Variants in TMTC2 observed in about 807,000 individuals in gnomAD.
The protein encoded by TMTC2 is transmembrane O-mannosyltransferase targeting cadherins 2.
TMTC2 carries 43 observed loss-of-function variants against 82.4 expected under a neutral mutation model. The ratio of observed to expected loss-of-function variants is 0.52; its 90% CI spans 0.41 to 0.67. The LOEUF (loss-of-function observed/expected upper bound fraction) is 0.67. Ranked by LOEUF, TMTC2 falls within the 30% of genes least tolerant of loss-of-function variation. TMTC2 has a pLI of 0.00. For missense variants in TMTC2, 919 were observed against 1,012.4 expected (o/e 0.91, Z 1.25); for synonymous variants, 408 against 381.9 (o/e 1.07, Z -0.80).
intron 8 of TMTC2, among the ~76,000 whole-genome samples, chr12:83,019,546 CA>C (rs1880822465): frequency 6.6e-6 from 1 of 152,128 alleles, no homozygotes; most frequent in Non-Finnish European, 1.5e-5. Flanking sequence ...TCAGCTATCT[CA>C]AAAGTAGGCC....
intron 7 of TMTC2, among the ~76,000 whole-genome samples, chr12:82,971,438 C>CTT (rs1878442556): frequency 6.6e-6 from 1 of 151,934 alleles, no homozygotes; most frequent in African/African-American, 2.4e-5. Context: ...TCTGAACACT[C>CTT]TGAGTTTCTC....
At chr12:83,131,509 A>T (rs912407845) in intron 11 of TMTC2, among the ~76,000 whole-genome samples, 9 of 152,160 alleles carry the variant, frequency 5.9e-5, no homozygotes, top group African/African-American at 2.2e-4. Context: ...AGTAATATAA[A>T]ATTTTTCTTA....
rs183358906 is a variant in TMTC2 at position 82,836,022 on chromosome 12, A to G, written c.84-20988A>G. Among the ~76,000 whole-genome samples the G allele has an allele frequency of 4.6e-5, 7 of 152,360 alleles. No homozygotes were observed. The East Asian group carries it at 1.3e-3, about 29-fold the overall frequency. ...TAAAATACAGTGTCTGTGGGGCTCT[A>G]ACACCATGTTTCATGTTTTCCTTTG... On this transcript the variant is annotated intron_variant, in intron 1 of 11. Coordinates refer to ENST00000321196, the MANE Select transcript of TMTC2 (RefSeq NM_152588.3).
In TMTC2 at chr12:83,086,653, G is replaced by C. The variant is rs1055447432; in HGVS notation, c.2331+24822G>C. Reference sequence around the variant, plus strand: ...CACAACAGAGTCACACAAGTGTTTTGATTTCCTGGTGTTTTGATTTTATGT... The same window carrying C: ...CACAACAGAGTCACACAAGTGTTTTCATTTCCTGGTGTTTTGATTTTATGT... On this transcript the variant is annotated intron_variant, in intron 11 of 11. Transcript: ENST00000321196. 2.0e-5 allele frequency among the ~76,000 whole-genome samples: 3 copies of C among 152,138 alleles called. No homozygotes were observed. The East Asian group carries it at 5.8e-4, about 29-fold the overall frequency.
chr12:82,906,960 AGT>A (rs1231482774), intron 3 of TMTC2, among the ~76,000 whole-genome samples: 1 of 152,202 alleles, frequency 6.6e-6, no homozygotes, highest in Non-Finnish European at 1.5e-5. Context: ...TTCTCTATTG[AGT>A]AGAAAAAAAT....
chr12:82,716,438 A>G (rs1873903106), intron 1 of TMTC2, among the ~76,000 whole-genome samples: 1 of 143,504 alleles, frequency 7.0e-6, no homozygotes, highest in Non-Finnish European at 1.5e-5. Flanking sequence ...ATCTCGACTC[A>G]CTGCAAGCTC....
At position 82,937,750 on chromosome 12, in the gene TMTC2, GTATATATATATATATATATATA is replaced by G. The variant is rs1162321741; in HGVS notation, c.1598+7230_1598+7251del. ...TGTGGATGTGTGTGTGTGTGTGTGTGTATATATATATATATATATATATATATATATATATATATATATATAC... is the reference window on the plus strand; with the variant it reads ...TGTGGATGTGTGTGTGTGTGTGTGTGTATATATATATATATATATATATAC... On this transcript the variant is annotated intron_variant, in intron 4 of 11. Coordinates refer to ENST00000321196, the MANE Select transcript of TMTC2 (RefSeq NM_152588.3). Among the ~76,000 whole-genome samples, 123 of 106,040 alleles carry G rather than the reference GTATATATATATATATATATATA, an allele frequency of 1.2e-3. 3 individuals carry two copies. Among genetic ancestry groups the G allele is most frequent in the Middle Eastern group, 9.3e-3 (2 of 216 alleles). 69.6% of individuals were successfully genotyped at this position (106,040 alleles called of 152,430 possible). A position where few individuals can be genotyped will look rare whatever the true frequency, so the allele number is the denominator to read the frequency against.
chr12:83,007,534 G>A (rs151289401), intron 8 of TMTC2, among the ~76,000 whole-genome samples: 72 of 152,004 alleles, frequency 4.7e-4, no homozygotes, highest in African/African-American at 1.4e-3. Flanking sequence ...CTTGATGTGC[G>A]TACAATTACC....
chr12:82,824,633 T>G (rs1365838721), intron 1 of TMTC2, among the ~76,000 whole-genome samples: 2 of 152,192 alleles, frequency 1.3e-5, no homozygotes, highest in Non-Finnish European at 1.5e-5. Flanking sequence ...TTAGTAAAAT[T>G]AAATGGCCTG....
At chr12:83,101,219 C>G (rs1884204682) in intron 11 of TMTC2, among the ~76,000 whole-genome samples, 1 of 152,162 alleles carries the variant, frequency 6.6e-6, no homozygotes, top group Non-Finnish European at 1.5e-5. Flanking sequence ...AATATCTAAG[C>G]ATTGCAATTT....
intron 1 of TMTC2, among the ~76,000 whole-genome samples, chr12:82,826,715 C>T (rs987260460): frequency 6.6e-6 from 1 of 152,090 alleles, no homozygotes; most frequent in African/African-American, 2.4e-5. Context: ...TATGTGGTCT[C>T]CCTGATGAGC....
chr12:83,127,595 T>C (rs1885134666), intron 11 of TMTC2, among the ~76,000 whole-genome samples: 1 of 152,166 alleles, frequency 6.6e-6, no homozygotes, highest in South Asian at 2.1e-4. Flanking sequence ...GAAACATGGA[T>C]TCCCAACCCT....
At chr12:83,001,998 A>G (rs1195039036) in intron 8 of TMTC2, among the ~76,000 whole-genome samples, 3 of 152,188 alleles carry the variant, frequency 2.0e-5, no homozygotes, top group African/African-American at 7.2e-5. Flanking sequence ...GCTTCATAGA[A>G]TGAGTTAGGA....
chr12:83,109,146 A>T (rs752816668), intron 11 of TMTC2, among the ~76,000 whole-genome samples: 89 of 152,318 alleles, frequency 5.8e-4, no homozygotes, highest in Admixed American at 1.0e-3. Flanking sequence ...TAATTTATAA[A>T]GAAAAGAGGT....
At chr12:83,037,891 C>T (rs190979511) in intron 9 of TMTC2, among the ~76,000 whole-genome samples, 3 of 151,492 alleles carry the variant, frequency 2.0e-5, no homozygotes, top group Non-Finnish European at 1.5e-5. Flanking sequence ...TCTTTAAAGG[C>T]AAAAAATAAA....
At chr12:82,913,580 TC>T (rs1176467937) in intron 3 of TMTC2, among the ~76,000 whole-genome samples, 2 of 152,162 alleles carry the variant, frequency 1.3e-5, no homozygotes, top group African/African-American at 4.8e-5. Flanking sequence ...ACACATCTAG[TC>T]ATATTTTTTA....
At chr12:82,865,754 GT>G (rs1433683994) in intron 2 of TMTC2, among the ~76,000 whole-genome samples, 1 of 152,094 alleles carries the variant, frequency 6.6e-6, no homozygotes, top group African/African-American at 2.4e-5. Context: ...TGACCACATA[GT>G]TGGAAGTAAA....
intron 1 of TMTC2, among the ~76,000 whole-genome samples, chr12:82,752,479 C>T (rs995854370): frequency 1.3e-5 from 2 of 152,032 alleles, no homozygotes; most frequent in African/African-American, 2.4e-5. Flanking sequence ...GAGCGAGACT[C>T]CATCTCAAAA....
At position 83,021,142 on chromosome 12, in the gene TMTC2, T is replaced by A. The variant is rs146426884; in HGVS notation, c.2071-9656T>A. Among the ~76,000 whole-genome samples, 869 of 152,314 alleles carry A rather than the reference T, an allele frequency of 5.7e-3. 2 individuals are homozygous for A. The highest frequency in any genetic ancestry group is 8.7e-3 in the Non-Finnish European group (591 of 68,024). The stretch of plus-strand genomic sequence containing the variant: ...AAGTGGGTAAGTTTTTTGCTGTTGC[T>A]TTTCCCATTTTCCCCCCTTGGCATT... On this transcript the variant is annotated intron_variant, in intron 8 of 11. Coordinates refer to ENST00000321196, the MANE Select transcript of TMTC2 (RefSeq NM_152588.3).
Sources: gnomAD v4.1 joint callset for allele counts (sites outside exome capture counted in the v4.1 genomes callset) on GRCh38, gnomAD v4.1.1 for gene constraint, MANE v1.5 for transcripts, NCBI Gene and HGNC (gene_info 2026-07-23, HGNC 2026-07-21) for gene names.